The following DOCK10 variants were observed in gnomAD, a reference collection of about 807,000 sequenced individuals.
The protein encoded by DOCK10 is dedicator of cytokinesis protein 10.
A neutral mutation model predicts 280.1 loss-of-function variants in DOCK10; 145 were observed. That is an observed-to-expected ratio of 0.52 (90% CI 0.45 to 0.59). The LOEUF is 0.59. Ranked by LOEUF, DOCK10 falls within the 20% of genes least tolerant of loss-of-function variation. The pLI is 0.00. For missense variants in DOCK10, 2,368 were observed against 2,651.7 expected (o/e 0.89, Z 2.35); for synonymous variants, 915 against 942.2 (o/e 0.97, Z 0.53).
At chr2:224,863,348 A>G (rs1035066660) in intron 13 of DOCK10, among the ~76,000 whole-genome samples, 1 of 152,260 alleles carries the variant, frequency 6.6e-6, no homozygotes, top group African/African-American at 2.4e-5. Flanking sequence ...AAATATGTTA[A>G]ACTCCTTCCT....
chr2:225,040,053 T>C (rs550308977), intron 1 of DOCK10, among the ~76,000 whole-genome samples: 39 of 152,306 alleles, frequency 2.6e-4, no homozygotes, highest in African/African-American at 9.1e-4. Context: ...AACCATGTTT[T>C]GAGAACTTGA....
chr2:224,841,728 T>G (rs749204544), intron 23 of DOCK10, 76 bp downstream of exon 23: 2 of 907,724 alleles, frequency 2.2e-6, no homozygotes, highest in Non-Finnish European at 3.6e-6. Context: ...AGTTTGCCCA[T>G]CGGTGGAAAA....
At chr2:224,951,082 C>G (rs1703700346) in intron 1 of DOCK10, among the ~76,000 whole-genome samples, 1 of 152,200 alleles carries the variant, frequency 6.6e-6, no homozygotes, top group Non-Finnish European at 1.5e-5. Flanking sequence ...TGGATCTAGA[C>G]ATACTTGTGC....
intron 1 of DOCK10, among the ~76,000 whole-genome samples, chr2:224,957,288 C>CCCCG (rs1553622551): frequency 6.9e-6 from 1 of 145,816 alleles, no homozygotes; most frequent in South Asian, 2.2e-4. Flanking sequence ...ACTTTCCGCC[C>CCCCG]CCCCCCGGCT....
intron 3 of DOCK10, among the ~76,000 whole-genome samples, chr2:224,906,665 G>A (rs1700658999): frequency 6.6e-6 from 1 of 152,184 alleles, no homozygotes; most frequent in Non-Finnish European, 1.5e-5. Flanking sequence ...ATTTTTAGTA[G>A]AGACAGGGTT....
rs1471923413 is a variant in DOCK10, at chr2:224,974,801, C to CATATATATTATATATATAATAT, written c.124-43155_124-43134dup. Among the ~76,000 whole-genome samples, 22 of 75,990 alleles carry CATATATATTATATATATAATAT rather than the reference C, an allele frequency of 2.9e-4. 2 individuals carry two copies. The highest frequency in any genetic ancestry group is 9.7e-4 in the South Asian group (2 of 2,066). 49.9% of individuals were successfully genotyped at this position (75,990 alleles called of 152,430 possible). A position where few individuals can be genotyped will look rare whatever the true frequency, so the allele number is the denominator to read the frequency against. ...GGTATAATGTTCTCTCTATATATAT[C>CATATATATTATATATATAATAT]ATATATATTATATATATAATATATA... On this transcript the variant is annotated intron_variant, in intron 1 of 55. Transcript: ENST00000258390.
intron 1 of DOCK10, among the ~76,000 whole-genome samples, chr2:224,987,543 T>C (rs1706006305): frequency 6.6e-6 from 1 of 152,130 alleles, no homozygotes; most frequent in African/African-American, 2.4e-5. Context: ...CCTCACTATT[T>C]TGGCTTTGGC....
intron 2 of DOCK10, among the ~76,000 whole-genome samples, chr2:224,923,897 T>C (rs753500919): frequency 1.3e-5 from 2 of 152,362 alleles, no homozygotes; most frequent in Non-Finnish European, 1.5e-5. Flanking sequence ...AGCTTACCCA[T>C]AGAATATTTT....
At chr2:224,930,804 A>G (rs1702317436) in intron 2 of DOCK10, among the ~76,000 whole-genome samples, 1 of 152,230 alleles carries the variant, frequency 6.6e-6, no homozygotes, top group Non-Finnish European at 1.5e-5. Flanking sequence ...AGGAAGAGAC[A>G]GGAAAGTTTA....
intron 1 of DOCK10, among the ~76,000 whole-genome samples, chr2:224,984,597 A>C (rs918155951): frequency 2.0e-5 from 3 of 149,306 alleles, no homozygotes; most frequent in African/African-American, 7.5e-5. Context: ...TTGGAATTCA[A>C]TACACACAAC....
At chr2:224,810,976 T>G (rs1693732757) in intron 31 of DOCK10, among the ~76,000 whole-genome samples, 2 of 152,126 alleles carry the variant, frequency 1.3e-5, no homozygotes, top group Admixed American at 1.3e-4. Context: ...GCAGCATGAT[T>G]TATAATCCTT....
intron 3 of DOCK10, among the ~76,000 whole-genome samples, chr2:224,914,137 G>T (rs554968681): frequency 6.6e-6 from 1 of 152,264 alleles, no homozygotes; most frequent in East Asian, 1.9e-4. Context: ...TTCCAAAATG[G>T]ATAGTTGAGT....
rs1575148589 is a variant in DOCK10 at position 224,983,923 on chromosome 2, C to T, written c.124-52255G>A. On this transcript the variant is annotated intron_variant, in intron 1 of 55. Coordinates refer to ENST00000258390, the MANE Select transcript of DOCK10 (RefSeq NM_014689.3). ...TCTAAACCATTTTTACTCTAAACAA[C>T]TAGGGCATTTACTGAAGAGAGGCTA... 6.4e-6 allele frequency: 3 copies of T among 468,718 alleles called. No homozygotes were observed. In the East Asian group the frequency reaches 2.1e-4, roughly 33 times the overall value. The allele number at this position is 468,718 out of a possible 1,614,324, so 29.0% of individuals were successfully genotyped here. A position where few individuals can be genotyped will look rare whatever the true frequency, so the allele number is the denominator to read the frequency against.
chr2:225,041,262 G>T (rs77347678), intron 1 of DOCK10, among the ~76,000 whole-genome samples: 8,202 of 152,116 alleles, frequency 0.054, 716 homozygotes, highest in African/African-American at 0.19. Context: ...GATATTTTCT[G>T]GCAAAAAAGA....
intron 1 of DOCK10, among the ~76,000 whole-genome samples, chr2:225,013,636 G>A (rs770247255): frequency 4.6e-5 from 7 of 152,114 alleles, no homozygotes; most frequent in Non-Finnish European, 1.0e-4. Flanking sequence ...TAACCTCTCA[G>A]GGCTTCCTGT....
rs1038604527 is a variant in DOCK10, at chr2:225,042,066, G to A, written c.123+186C>T. Among the ~76,000 whole-genome samples, 2 of 152,214 alleles carry A rather than the reference G, an allele frequency of 1.3e-5. No individual in the cohort carries two copies. Among genetic ancestry groups the A allele is most frequent in the African/African-American group, 2.4e-5 (1 of 41,460 alleles). On this transcript the variant is annotated intron_variant, in intron 1 of 55. Coordinates refer to ENST00000258390, the MANE Select transcript of DOCK10 (RefSeq NM_014689.3). This position sits in a 1 kb window ranked among gnomAD's most constrained non-coding sequence, Gnocchi z 5.1. Reference sequence around the variant, plus strand: ...ACAAACGCGCCCCCGGTCCTTACGCGTCGGTGGCGCTGCCTCGCTGAGGTG... The same window carrying A: ...ACAAACGCGCCCCCGGTCCTTACGCATCGGTGGCGCTGCCTCGCTGAGGTG...
In DOCK10 at chr2:224,786,570, A is replaced by T. The variant is rs150034752; in HGVS notation, c.5655+452T>A. Among the ~76,000 whole-genome samples the T allele has an allele frequency of 3.2e-3, 488 of 152,362 alleles. 4 individuals are homozygous for T. Among genetic ancestry groups the T allele is most frequent in the African/African-American group, 0.011 (456 of 41,590 alleles). ...TGTCTAGAAACAGTGGTAGTTCGAA[A>T]ATAGGAGAAAAGAAATTGTGTGATA... On this transcript the variant is annotated intron_variant, in intron 50 of 55. Transcript: ENST00000258390. This position sits in a 1 kb window ranked among gnomAD's most constrained non-coding sequence, Gnocchi z 4.7.
rs754618028 is a variant in DOCK10, at chr2:224,862,605, A to G, written c.1685+59T>C. 3.5e-6 allele frequency: 5 copies of G among 1,412,958 alleles called. No individual in the cohort carries two copies. The African/African-American group carries it at 7.1e-5, about 20-fold the overall frequency. The allele number at this position is 1,412,958 out of a possible 1,614,324, so 87.5% of individuals were successfully genotyped here. On this transcript the variant is annotated intron_variant, in intron 14 of 55. Coordinates refer to ENST00000258390, the MANE Select transcript of DOCK10 (RefSeq NM_014689.3). ...GCAACACAAAAACGTTCAAAACTGA[A>G]GCTTCCAATGCCACCATTAAATGTA... is the stretch of plus-strand genomic sequence containing the variant.
intron 29 of DOCK10, among the ~76,000 whole-genome samples, chr2:224,817,022 A>G (rs1474055107): frequency 6.6e-6 from 1 of 152,208 alleles, no homozygotes; most frequent in Admixed American, 6.5e-5. Flanking sequence ...ATCATGACAC[A>G]TTTATTCTGA....
Sources: allele counts gnomAD v4.1 joint callset (sites outside exome capture counted in the v4.1 genomes callset), GRCh38; gene constraint gnomAD v4.1.1; non-coding constraint Gnocchi (gnomAD v3.1); transcripts MANE v1.5; gene names NCBI Gene and HGNC (gene_info 2026-07-23, HGNC 2026-07-21).